Variants in COL4A2 observed in about 807,000 individuals in gnomAD.
COL4A2 encodes the protein collagen alpha-2(IV) chain.
A neutral mutation model predicts 200.2 loss-of-function variants in COL4A2; 99 were observed. The ratio of observed to expected loss-of-function variants is 0.49; its 90% CI spans 0.42 to 0.58. The LOEUF (loss-of-function observed/expected upper bound fraction) is 0.58, where lower values mean the gene tolerates loss of function less well. COL4A2 is among the 20% of genes least tolerant of loss of function. COL4A2 has a pLI of 0.00. For missense variants in COL4A2, 1,950 were observed against 2,314.1 expected (o/e 0.84, Z 3.23); for synonymous variants, 897 against 900.6 (o/e 1.00, Z 0.07).
At chr13:110,462,063 A>T in intron 22 of COL4A2, 51 bp from the exon 23 acceptor site, 1 of 1,607,062 alleles carries the variant, frequency 6.2e-7, no homozygotes, top group East Asian at 2.2e-5. Flanking sequence ...ATCTTCTCAG[A>T]TGCCCTCACA....
intron 3 of COL4A2, chr13:110,328,594 C>T (rs892055093): frequency 6.6e-6 from 1 of 152,214 alleles, no homozygotes; most frequent in African/African-American, 2.4e-5. Context: ...GGCTGCTGGG[C>T]ACGTTTAATT....
At chr13:110,353,717 G>A (rs1877061012) in intron 3 of COL4A2, among the ~76,000 whole-genome samples, 1 of 152,190 alleles carries the variant, frequency 6.6e-6, no homozygotes, top group African/African-American at 2.4e-5. Context: ...TCTTGTAAAT[G>A]TTGGAATTCC....
chr13:110,381,889 G>A (rs944019567), intron 4 of COL4A2, among the ~76,000 whole-genome samples: 1 of 152,170 alleles, frequency 6.6e-6, no homozygotes, highest in African/African-American at 2.4e-5. Flanking sequence ...CCCATACTGA[G>A]ATTTTATGCT....
intron 3 of COL4A2, among the ~76,000 whole-genome samples, chr13:110,323,133 C>G (rs2139353463): frequency 6.6e-6 from 1 of 152,342 alleles, no homozygotes; most frequent in Non-Finnish European, 1.5e-5. Flanking sequence ...AAACTTGCAG[C>G]TGATTGAGGG....
At chr13:110,461,796 A>G (rs1882035251) in intron 22 of COL4A2, among the ~76,000 whole-genome samples, 1 of 152,166 alleles carries the variant, frequency 6.6e-6, no homozygotes, top group Non-Finnish European at 1.5e-5. Flanking sequence ...CAGCCTCCCA[A>G]AGTGCTGCGA....
intron 3 of COL4A2, among the ~76,000 whole-genome samples, chr13:110,353,118 C>G (rs1877035410): frequency 6.6e-6 from 1 of 152,276 alleles, no homozygotes; most frequent in African/African-American, 2.4e-5. Flanking sequence ...CTTTCATGAG[C>G]CTGTGATTGT....
chr13:110,370,064 G>T (rs988385424), intron 4 of COL4A2, among the ~76,000 whole-genome samples: 11 of 152,068 alleles, frequency 7.2e-5, no homozygotes, highest in African/African-American at 2.7e-4. Flanking sequence ...GCCGCTGCCT[G>T]ATCAACGTGG....
intron 4 of COL4A2, among the ~76,000 whole-genome samples, chr13:110,415,841 T>C (rs964420244): frequency 6.6e-6 from 1 of 152,194 alleles, no homozygotes; most frequent in Admixed American, 6.5e-5. Flanking sequence ...TGTTAGCTGC[T>C]TACTACCTGC....
intron 4 of COL4A2, among the ~76,000 whole-genome samples, chr13:110,405,420 T>G (rs754229364): frequency 1.5e-4 from 23 of 152,274 alleles, no homozygotes; most frequent in Middle Eastern, 3.4e-3. Context: ...TGGGTCCCGG[T>G]GTGGGACCCA....
In COL4A2 at chr13:110,491,299, T is replaced by TGACTGGAGTCCAAGGCCC; in HGVS notation, c.3414_3431dup (p.Thr1139_Pro1144dup). 1 of 1,598,240 alleles carries TGACTGGAGTCCAAGGCCC rather than the reference T, an allele frequency of 6.3e-7. No homozygotes were observed. Among genetic ancestry groups the TGACTGGAGTCCAAGGCCC allele is most frequent in the Non-Finnish European group, 8.5e-7 (1 of 1,171,536 alleles). On this transcript the variant is annotated inframe_insertion, in exon 37 of 48. Transcript: ENST00000360467. ...ATCGGCTTCCCTGGGATAACAGGCG[T>TGACTGGAGTCCAAGGCCC]GACTGGAGTCCAAGGCCCTCCTGGA...
chr13:110,484,358 C>T lies in COL4A2; in HGVS notation c.2903-547C>T, dbSNP rs560280224. On this transcript the variant is annotated intron_variant, in intron 32 of 47. Coordinates refer to ENST00000360467, the MANE Select transcript of COL4A2 (RefSeq NM_001846.4). Reference sequence around the variant, plus strand: ...TTACTCCTCCAGTGAGCATGGATTCCGGGGCATCCCCAGCCTGAACTAGCA... The same window carrying T: ...TTACTCCTCCAGTGAGCATGGATTCTGGGGCATCCCCAGCCTGAACTAGCA... Among the ~76,000 whole-genome samples, 34 of 152,234 alleles carry T rather than the reference C, an allele frequency of 2.2e-4. No individual in the cohort carries two copies. The South Asian group carries it at 5.8e-3, about 26-fold the overall frequency.
chr13:110,307,896 C>T lies in COL4A2; in HGVS notation c.-8C>T. Reference sequence around the variant, plus strand: ...CTGACCGGGGCCCAGAGTGGACGAACCGCCAGCATGGGGAGAGACCAGCGC... The same window carrying T: ...CTGACCGGGGCCCAGAGTGGACGAATCGCCAGCATGGGGAGAGACCAGCGC... On this transcript the variant is annotated 5_prime_UTR_variant, in exon 2 of 48. Coordinates refer to ENST00000360467, the MANE Select transcript of COL4A2 (RefSeq NM_001846.4). This position sits in a 1 kb window ranked among gnomAD's most constrained non-coding sequence, Gnocchi z 5.0. 6.2e-7 allele frequency: 1 copy of T among 1,612,064 alleles called. No homozygotes were observed. Among genetic ancestry groups the T allele is most frequent in the Non-Finnish European group, 8.5e-7 (1 of 1,179,146 alleles).
chr13:110,422,061 C>A (rs938604700), intron 4 of COL4A2, among the ~76,000 whole-genome samples: 4 of 152,190 alleles, frequency 2.6e-5, no homozygotes, highest in Non-Finnish European at 4.4e-5. Flanking sequence ...ATAATAATCC[C>A]ACTGGATAGA....
rs1046342734 is a variant in COL4A2 at position 110,489,351 on chromosome 13, G to A, written c.3208-94G>A. The A allele has an allele frequency of 2.6e-5, 32 of 1,231,956 alleles. No homozygotes were observed. The East Asian group carries it at 5.3e-4, about 21-fold the overall frequency. 76.3% of individuals were successfully genotyped at this position (1,231,956 alleles called of 1,614,324 possible). A position where few individuals can be genotyped will look rare whatever the true frequency, so the allele number is the denominator to read the frequency against. ...AAGATCACAAACCTTGAGTATTGTCGTTAGCATACTGGATAGTTAAATAAG... is the reference window on the plus strand; with the variant it reads ...AAGATCACAAACCTTGAGTATTGTCATTAGCATACTGGATAGTTAAATAAG... On this transcript the variant is annotated intron_variant, in intron 34 of 47. Coordinates refer to ENST00000360467, the MANE Select transcript of COL4A2 (RefSeq NM_001846.4).
At chr13:110,322,761 T>C (rs1190592492) in intron 3 of COL4A2, among the ~76,000 whole-genome samples, 1 of 152,190 alleles carries the variant, frequency 6.6e-6, no homozygotes, top group Non-Finnish European at 1.5e-5. Flanking sequence ...GCTGGGAACT[T>C]GGTTTATTCA....
At position 110,485,544 on chromosome 13, in the gene COL4A2, A is replaced by AG. The variant is rs201308074; in HGVS notation, c.3026-111_3026-110insG. 1.8e-3 allele frequency: 1,018 copies of AG among 576,894 alleles called. 2 individuals carry two copies. Among genetic ancestry groups the AG allele is most frequent in the South Asian group, 2.0e-3 (71 of 36,068 alleles). The allele number at this position is 576,894 out of a possible 1,614,324, so 35.7% of individuals were successfully genotyped here. A position where few individuals can be genotyped will look rare whatever the true frequency, so the allele number is the denominator to read the frequency against. The stretch of plus-strand genomic sequence containing the variant: ...TCTCAAAAAAAAAAAAAAAAAAAAA[A>AG]AAGATTCACAGCACGTAGGACAGCA... On this transcript the variant is annotated intron_variant, in intron 33 of 47. Transcript: ENST00000360467.
intron 3 of COL4A2, among the ~76,000 whole-genome samples, chr13:110,354,738 T>C (rs926907028): frequency 7.3e-5 from 11 of 151,086 alleles, no homozygotes; most frequent in African/African-American, 2.4e-4. Flanking sequence ...TAGTAGAAAA[T>C]TGTTAGCTGA....
chr13:110,505,083 G>T (rs1186825423), intron 45 of COL4A2, among the ~76,000 whole-genome samples: 1 of 151,910 alleles, frequency 6.6e-6, no homozygotes, highest in Non-Finnish European at 1.5e-5. Context: ...GGGCGCGGTG[G>T]CTCACGCCTG....
At chr13:110,362,003 C>A (rs1211527036) in intron 4 of COL4A2, among the ~76,000 whole-genome samples, 1 of 152,200 alleles carries the variant, frequency 6.6e-6, no homozygotes, top group Admixed American at 6.5e-5. Flanking sequence ...GGGACTTAGA[C>A]AAATTCTTTT....
Sources: gnomAD v4.1 joint callset for allele counts (sites outside exome capture counted in the v4.1 genomes callset) on GRCh38, gnomAD v4.1.1 for gene constraint, Gnocchi (gnomAD v3.1) non-coding constraint, MANE v1.5 for transcripts, NCBI Gene and HGNC (gene_info 2026-07-23, HGNC 2026-07-21) for gene names.